ZNF341: variants seen among roughly 807,000 people sequenced by gnomAD.
The protein encoded by ZNF341 is zinc finger protein 341.
ZNF341 carries 52 observed loss-of-function variants against 87.7 expected under a neutral mutation model. That is an observed-to-expected ratio of 0.59 (90% CI 0.47 to 0.75). ZNF341 has a LOEUF of 0.75. Among genes scored for constraint, ZNF341 ranks in the 30% least tolerant of loss-of-function variants. The pLI, the probability that ZNF341 is intolerant of heterozygous loss-of-function variation, is 0.00. For missense variants in ZNF341, 977 were observed against 1,145.9 expected (o/e 0.85, Z 2.13); for synonymous variants, 459 against 472.7 (o/e 0.97, Z 0.38).
In ZNF341 at chr20:33,791,392, G is replaced by T. The variant is rs1320051746; in HGVS notation, c.2440G>T (p.Glu814Ter). Residue 814 changes from glutamate (E) to a stop codon, truncating the protein, a stop_gained, in exon 15 of 15, where the codon GAG (glutamate) becomes TAG (stop). Transcript: ENST00000375200. LOFTEE classifies it high-confidence loss of function. ...GGGTGGTGCGGTGGGCGCGGAAACT[G>T]AGCTGGTGGTACCTGGACACGCTGA... is the stretch of plus-strand genomic sequence containing the variant. ...VVGGAVGAET[E>*]LVVPGHAEGL... 4 of 1,612,644 alleles carry T rather than the reference G, an allele frequency of 2.5e-6. No individual in the cohort carries two copies. Among genetic ancestry groups the T allele is most frequent in the Non-Finnish European group, 3.4e-6 (4 of 1,179,764 alleles).
chr20:33,774,104 A>T (rs2019578991), intron 10 of ZNF341, among the ~76,000 whole-genome samples: 1 of 146,542 alleles, frequency 6.8e-6, no homozygotes, highest in Non-Finnish European at 1.5e-5. Context: ...ACACAGTGAA[A>T]CCCTGTCTCT....
intron 2 of ZNF341, 123 bp from the exon 3 acceptor site, chr20:33,744,980 C>A: frequency 1.2e-6 from 1 of 827,912 alleles, no homozygotes; most frequent in Non-Finnish European, 1.9e-6. Context: ...CAGATTGCTG[C>A]TTGTGGTCAG....
chr20:33,743,054 G>A (rs1375929029), intron 2 of ZNF341, among the ~76,000 whole-genome samples: 1 of 146,602 alleles, frequency 6.8e-6, no homozygotes, highest in Non-Finnish European at 1.5e-5. Flanking sequence ...TTTTTGAGAC[G>A]GAGTTTTGCT....
chr20:33,745,125 C>T lies in ZNF341; in HGVS notation c.165C>T (p.Cys55=), dbSNP rs753614667. The change falls in exon 3 of 15, where the codon TGC becomes TGT. Residue 55 remains cysteine (C), a synonymous_variant. Transcript: ENST00000375200. Reference sequence around the variant, plus strand: ...CAGATGACGAGGATGTATTTCTCTGCGGGAAGTGTAAGAAGCAATTCAACT... The same window carrying T: ...CAGATGACGAGGATGTATTTCTCTGTGGGAAGTGTAAGAAGCAATTCAACT... ...QPLDDEDVFL[C]GKCKKQFNSL... is the part of the protein sequence containing the mutation. 84 of 1,612,168 alleles carry T rather than the reference C, an allele frequency of 5.2e-5. No homozygotes were observed. The highest frequency in any genetic ancestry group is 5.1e-4 in the East Asian group (23 of 44,828).
chr20:33,734,560 AG>A (rs1307019351), intron 1 of ZNF341, among the ~76,000 whole-genome samples: 1 of 151,964 alleles, frequency 6.6e-6, no homozygotes, highest in African/African-American at 2.4e-5. Context: ...GGGAGTGGGG[AG>A]GGGGAGCAGT....
chr20:33,771,387 C>T (rs2019529124), intron 10 of ZNF341, among the ~76,000 whole-genome samples: 1 of 151,790 alleles, frequency 6.6e-6, no homozygotes, highest in South Asian at 2.1e-4. Flanking sequence ...CTGGGACTAA[C>T]AGGCATGTGC....
rs748778102 is a variant in ZNF341 at position 33,783,865 on chromosome 20, G to A, written c.1852+1G>A. 3.7e-6 allele frequency: 6 copies of A among 1,612,312 alleles called. No individual in the cohort carries two copies. The highest frequency in any genetic ancestry group is 1.1e-5 in the South Asian group (1 of 90,994). The stretch of plus-strand genomic sequence containing the variant: ...AAACTGCATGCTCACATCCACTCGG[G>A]TAGGTACCCTGCCCCTGAGAACTCC... On this transcript the variant is annotated splice_donor_variant, in intron 12 of 14. Coordinates refer to ENST00000375200, the MANE Select transcript of ZNF341 (RefSeq NM_001282933.2). LOFTEE classifies it high-confidence loss of function.
rs926943028 is a variant in ZNF341, at chr20:33,753,433, G to A, written c.741+10G>A. On this transcript the variant is annotated intron_variant, in intron 5 of 14. Transcript: ENST00000375200. Reference sequence around the variant, plus strand: ...CTACCCACCCCTAGAGGTGAGCAGAGGGGGCAGGGTGGAAGAGGACACTGG... The same window carrying A: ...CTACCCACCCCTAGAGGTGAGCAGAAGGGGCAGGGTGGAAGAGGACACTGG... 3 of 1,582,436 alleles carry A rather than the reference G, an allele frequency of 1.9e-6. No homozygotes were observed. The highest frequency in any genetic ancestry group is 1.7e-6 in the Non-Finnish European group (2 of 1,164,986).
chr20:33,785,122 T>C (rs1276715137), intron 12 of ZNF341, among the ~76,000 whole-genome samples: 3 of 152,154 alleles, frequency 2.0e-5, no homozygotes, highest in African/African-American at 7.2e-5. Context: ...TTGAGAAAAC[T>C]TGAGGGAAAA....
chr20:33,785,411 C>T (rs1017326827), intron 12 of ZNF341, among the ~76,000 whole-genome samples: 1 of 152,106 alleles, frequency 6.6e-6, no homozygotes, highest in African/African-American at 2.4e-5. Flanking sequence ...GGTATGATCT[C>T]ACTACAACCT....
chr20:33,762,691 C>CA (rs1256329503), intron 8 of ZNF341, among the ~76,000 whole-genome samples: 1 of 152,082 alleles, frequency 6.6e-6, no homozygotes, highest in African/African-American at 2.4e-5. Flanking sequence ...CCCTTGTCCC[C>CA]AGCCCCCCGA....
rs769790550 is a variant in ZNF341 at position 33,770,179 on chromosome 20, C to T, written c.1509C>T (p.Tyr503=). The T allele has an allele frequency of 1.2e-5, 20 of 1,614,190 alleles. No individual in the cohort carries two copies. Among genetic ancestry groups the T allele is most frequent in the Non-Finnish European group, 1.7e-5 (20 of 1,180,022 alleles). The change falls in exon 10 of 15, where the codon TAC becomes TAT. Residue 503 remains tyrosine (Y), a synonymous_variant. Coordinates refer to ENST00000375200, the MANE Select transcript of ZNF341 (RefSeq NM_001282933.2). ...HIKSHQEELS[Y]RCHLCGKDFP... ...AGAGCCACCAGGAGGAGCTGAGCTA[C>T]CGCTGCCACCTCTGCGGCAAGGACT...
rs1284171309 is a variant in ZNF341 at position 33,757,140 on chromosome 20, C to T, written c.742-8C>T. 3 of 1,402,618 alleles carry T rather than the reference C, an allele frequency of 2.1e-6. No homozygotes were observed. The highest frequency in any genetic ancestry group is 2.8e-6 in the Non-Finnish European group (3 of 1,069,628). The allele number at this position is 1,402,618 out of a possible 1,614,324, so 86.9% of individuals were successfully genotyped here. ...AGGGCTTTTTCCCTGACTGTGTTGT[C>T]CTCCTAGGTGCCAAACCAGTGTGTG... On this transcript the variant is annotated splice_polypyrimidine_tract_variant and splice_region_variant and intron_variant, in intron 5 of 14. Coordinates refer to ENST00000375200, the MANE Select transcript of ZNF341 (RefSeq NM_001282933.2).
At chr20:33,753,047 T>C in intron 4 of ZNF341, 125 bp from the exon 5 acceptor site, 1 of 1,377,904 alleles carries the variant, frequency 7.3e-7, no homozygotes, top group Non-Finnish European at 1.0e-6. Flanking sequence ...TCTTAGCCCC[T>C]CTCCTGAGCT....
Position 33,766,975 on chromosome 20 carries a change from C to T in ZNF341, c.1347C>T (p.Phe449=). Residue 449 remains phenylalanine (F), a synonymous_variant, in exon 9 of 15, where the codon TTC becomes TTT. Transcript: ENST00000375200. ...VLIDSSYLCQ[F]CPSKFSTYFQ... is the part of the protein sequence containing the mutation. ...TCGACAGCTCCTACCTGTGCCAATT[C>T]TGCCCCAGCAAATTCAGCACCTACT... 6.2e-7 allele frequency: 1 copy of T among 1,614,222 alleles called. No homozygotes were observed. Among genetic ancestry groups the T allele is most frequent in the Non-Finnish European group, 8.5e-7 (1 of 1,180,026 alleles).
At chr20:33,757,439 G>A in intron 6 of ZNF341, 96 bp downstream of exon 6, 1 of 1,123,194 alleles carries the variant, frequency 8.9e-7, no homozygotes. Context: ...GTTCAAGTTT[G>A]GTTGCATGTA....
intron 1 of ZNF341, among the ~76,000 whole-genome samples, chr20:33,740,392 A>C (rs1784729832): frequency 6.6e-6 from 1 of 152,206 alleles, no homozygotes; most frequent in Non-Finnish European, 1.5e-5. Flanking sequence ...GAGCCTGGGA[A>C]GTGTAACCTT....
chr20:33,753,377 C>T lies in ZNF341; in HGVS notation c.695C>T (p.Thr232Met), dbSNP rs753597161. The change falls in exon 5 of 15, where the codon ACG becomes ATG. Residue 232 changes from threonine to methionine, a missense_variant. By Grantham distance (81) the Thr-to-Met change is moderately conservative (BLOSUM62 -1). This residue lies in a region of ZNF341 where 515 missense variants were observed against 598.2 expected (regional missense o/e 0.86). Coordinates refer to ENST00000375200, the MANE Select transcript of ZNF341 (RefSeq NM_001282933.2). ...GCTGCGCCCCTGGCTGGGAGTGGAA[C>T]GGTGGAGATCCAGGCACTGGGGATG... is the stretch of plus-strand genomic sequence containing the variant. The part of the protein sequence containing the change: ...SAAAPLAGSG[T>M]VEIQALGMQP... The T allele has an allele frequency of 4.2e-5, 68 of 1,607,524 alleles. No individual in the cohort carries two copies. The highest frequency in any genetic ancestry group is 5.3e-5 in the African/African-American group (4 of 74,796).
rs2747566 is a variant in ZNF341 at position 33,791,825 on chromosome 20, C to T, written c.*308C>T. The T allele has an allele frequency of 0.14, 45,747 of 338,040 alleles. 7,155 individuals carry two copies. The highest frequency in any genetic ancestry group is 0.49 in the African/African-American group (23,540 of 47,666). 20.9% of individuals were successfully genotyped at this position (338,040 alleles called of 1,614,324 possible). On this transcript the variant is annotated 3_prime_UTR_variant, in exon 15 of 15. Transcript: ENST00000375200. ...AGTCCCGCTGGTCTAGGCTGGTGGT[C>T]GGGGCCCCTGGGAGAGGAGACAGGG...
Sources: gnomAD v4.1 joint callset for allele counts (sites outside exome capture counted in the v4.1 genomes callset) on GRCh38, gnomAD v4.1.1 for gene constraint, gnomAD v4.1.1 regional missense constraint, MANE v1.5 for transcripts, NCBI Gene and HGNC (gene_info 2026-07-23, HGNC 2026-07-21) for gene names.